MCTP1: variants seen among roughly 807,000 people sequenced by gnomAD.
MCTP1 encodes multiple C2 and transmembrane domain containing 1.
MCTP1 carries 69 observed loss-of-function variants against 120.6 expected under a neutral mutation model. The ratio of observed to expected loss-of-function variants is 0.57; its 90% CI spans 0.47 to 0.70. MCTP1 has a LOEUF of 0.70. MCTP1 is among the 30% of genes least tolerant of loss of function. MCTP1 has a pLI of 0.00. For synonymous variants in MCTP1, 529 were observed against 493.1 expected (o/e 1.07, Z -0.96); for missense variants, 1,203 against 1,248.8 (o/e 0.96, Z 0.55).
intron 17 of MCTP1, among the ~76,000 whole-genome samples, chr5:94,835,838 A>G (rs1371942947): frequency 6.6e-6 from 1 of 152,108 alleles, no homozygotes; most frequent in African/African-American, 2.4e-5. Flanking sequence ...CCCCGTCTCT[A>G]CTAAAAATAC....
intron 17 of MCTP1, among the ~76,000 whole-genome samples, chr5:94,829,951 G>C (rs141188962): frequency 6.6e-6 from 1 of 152,064 alleles, no homozygotes; most frequent in Non-Finnish European, 1.5e-5. Flanking sequence ...ATGCTGTCTC[G>C]CTATTCATCC....
chr5:95,248,994 C>T (rs978060654), intron 1 of MCTP1, among the ~76,000 whole-genome samples: 17 of 152,078 alleles, frequency 1.1e-4, no homozygotes, highest in Non-Finnish European at 1.9e-4. Context: ...TTCCTTACAC[C>T]GTATACAAAA....
intron 1 of MCTP1, among the ~76,000 whole-genome samples, chr5:95,202,086 TG>T (rs1198935967): frequency 6.6e-6 from 1 of 152,048 alleles, no homozygotes; most frequent in Non-Finnish European, 1.5e-5. Flanking sequence ...GACTGGTAAG[TG>T]GGTCAGTGGC....
intron 21 of MCTP1, chr5:94,709,500 A>G (rs1389706873): frequency 1.3e-5 from 2 of 152,056 alleles, no homozygotes; most frequent in African/African-American, 2.4e-5. Context: ...ACCACCACCT[A>G]TTGCAACAGA....
At chr5:94,871,512 G>A (rs1018529472) in intron 13 of MCTP1, 95 bp from the exon 14 acceptor site, 8 of 829,600 alleles carry the variant, frequency 9.6e-6, no homozygotes, top group Non-Finnish European at 1.6e-5. Flanking sequence ...AGCTGATTTT[G>A]TGTGTGTTTG....
chr5:94,709,067 G>A (rs1169740304), intron 21 of MCTP1: 1 of 152,432 alleles, frequency 6.6e-6, no homozygotes, highest in African/African-American at 2.4e-5. Flanking sequence ...TAAATGTTTA[G>A]AAGACACATG....
chr5:94,950,511 G>A (rs1820220752), intron 3 of MCTP1, among the ~76,000 whole-genome samples: 1 of 152,082 alleles, frequency 6.6e-6, no homozygotes, highest in South Asian at 2.1e-4. Flanking sequence ...TACATTTATA[G>A]TATATGTATG....
intron 12 of MCTP1, among the ~76,000 whole-genome samples, chr5:94,878,859 T>C (rs2153353089): frequency 6.7e-6 from 1 of 149,550 alleles, no homozygotes; most frequent in Admixed American, 6.7e-5. Flanking sequence ...AAAAATAGAG[T>C]AAGAAAAGGG....
chr5:95,072,394 A>G (rs1320098376), intron 1 of MCTP1, among the ~76,000 whole-genome samples: 3 of 152,232 alleles, frequency 2.0e-5, no homozygotes, highest in Non-Finnish European at 4.4e-5. Context: ...TCTACTTGTA[A>G]CATTCACCCT....
chr5:95,235,010 CAA>C (rs938264677), intron 1 of MCTP1, among the ~76,000 whole-genome samples: 2 of 151,916 alleles, frequency 1.3e-5, no homozygotes, highest in African/African-American at 4.8e-5. Flanking sequence ...CCCTGATAAA[CAA>C]AGACATTATA....
At chr5:94,929,406 T>C (rs1034051230) in intron 6 of MCTP1, among the ~76,000 whole-genome samples, 3 of 152,222 alleles carry the variant, frequency 2.0e-5, no homozygotes, top group Admixed American at 6.5e-5. Context: ...TGTGTTTTTA[T>C]GAAAAATTTA....
At chr5:94,871,165 C>T (rs925785986) in intron 14 of MCTP1, 150 bp downstream of exon 14, 6 of 675,604 alleles carry the variant, frequency 8.9e-6, no homozygotes, top group South Asian at 5.5e-5. Flanking sequence ...TCAACATGGC[C>T]GTGAATTGAG....
chr5:95,071,313 ATCT>A (rs1752115746), intron 1 of MCTP1, among the ~76,000 whole-genome samples: 1 of 152,130 alleles, frequency 6.6e-6, no homozygotes, highest in African/African-American at 2.4e-5. Flanking sequence ...CTGGATCAGA[ATCT>A]TCTGGAGAAT....
intron 1 of MCTP1, among the ~76,000 whole-genome samples, chr5:95,272,131 C>T (rs1171099021): frequency 6.6e-6 from 1 of 152,096 alleles, no homozygotes; most frequent in East Asian, 1.9e-4. Context: ...TAGGCATGTG[C>T]ATAAACCATG....
At chr5:95,100,026 A>C (rs2152364932) in intron 1 of MCTP1, among the ~76,000 whole-genome samples, 1 of 151,802 alleles carries the variant, frequency 6.6e-6, no homozygotes, top group African/African-American at 2.4e-5. Flanking sequence ...CGCAAGAACA[A>C]AAAACCAAAC....
Position 95,169,544 on chromosome 5 carries a change from T to C in MCTP1, c.720+114312A>G, listed in dbSNP as rs1218949368. 2.0e-5 allele frequency among the ~76,000 whole-genome samples: 3 copies of C among 152,324 alleles called. No individual in the cohort carries two copies. The East Asian group carries it at 5.8e-4, about 29-fold the overall frequency. ...CTGGTCCTGGACTTTTTTTGGTTGG[T>C]AGGCTATTAATTATTGCCTCAATTT... On this transcript the variant is annotated intron_variant, in intron 1 of 22. Transcript: ENST00000515393.
chr5:94,998,651 C>A (rs947310507), intron 2 of MCTP1, among the ~76,000 whole-genome samples: 4 of 152,156 alleles, frequency 2.6e-5, no homozygotes, highest in Non-Finnish European at 5.9e-5. Context: ...TGCTGATAAG[C>A]AGCTAGAGAC....
intron 17 of MCTP1, among the ~76,000 whole-genome samples, chr5:94,860,674 C>T (rs996685127): frequency 6.6e-6 from 1 of 151,396 alleles, no homozygotes; most frequent in Non-Finnish European, 1.5e-5. Context: ...CTTGTATTAA[C>T]CCTCATTTGG....
At chr5:95,283,254 C>T (rs1272987314) in intron 1 of MCTP1, among the ~76,000 whole-genome samples, 1 of 152,206 alleles carries the variant, frequency 6.6e-6, no homozygotes, top group East Asian at 1.9e-4. Flanking sequence ...CTTCACAAGG[C>T]TCATAGGAAC....
Sources: gnomAD v4.1 joint callset for allele counts (sites outside exome capture counted in the v4.1 genomes callset) on GRCh38, gnomAD v4.1.1 for gene constraint, MANE v1.5 for transcripts, NCBI Gene and HGNC (gene_info 2026-07-23, HGNC 2026-07-21) for gene names.